Variants in NCOR2 observed in about 807,000 individuals in gnomAD.
The protein encoded by NCOR2 is CTG repeat protein 26.
Under a neutral mutation model 262.9 loss-of-function variants are expected in NCOR2, and 81 were observed. The ratio of observed to expected loss-of-function variants is 0.31; its 90% CI spans 0.26 to 0.37. The LOEUF is 0.37. NCOR2 is among the 10% of genes least tolerant of loss of function. The pLI is 1.00. For missense variants in NCOR2, 3,385 were observed against 3,621.4 expected (o/e 0.93, Z 1.68); for synonymous variants, 1,659 against 1,559.3 (o/e 1.06, Z -1.51).
rs1229636950 is a variant in NCOR2 at position 124,457,344 on chromosome 12, G to A, written c.706-182C>T. Among the ~76,000 whole-genome samples the A allele has an allele frequency of 1.3e-5, 2 of 151,658 alleles. No individual in the cohort carries two copies. Among genetic ancestry groups the A allele is most frequent in the East Asian group, 3.9e-4 (2 of 5,106 alleles). On this transcript the variant is annotated intron_variant, in intron 5 of 46. Coordinates refer to ENST00000405201, the Ensembl canonical transcript of NCOR2. The surrounding 1 kb of genome is among the most constrained non-coding windows in gnomAD (Gnocchi z 4.0). ...TCCCCACGCTGGAAAAAAACACAGA[G>A]GAGCCTCAATACCCCCACAGCGGCC...
At chr12:124,557,338 G>A (rs1294019399) in intron 1 of NCOR2, among the ~76,000 whole-genome samples, 1 of 152,262 alleles carries the variant, frequency 6.6e-6, no homozygotes, top group African/African-American at 2.4e-5. Context: ...GTTGGCAGGG[G>A]TGGTTCCTTC....
At chr12:124,486,469 G>T in exon 2 of NCOR2, 1 of 1,612,550 alleles carries the variant, frequency 6.2e-7, no homozygotes. Context: ...AACTCAGACA[G>T]CAGGGAGGGC....
intron 4 of NCOR2, among the ~76,000 whole-genome samples, chr12:124,468,318 ATCACCCTCATCATCCTCATCCTCC>A: frequency 4.7e-5 from 1 of 21,264 alleles, no homozygotes; most frequent in African/African-American, 1.4e-4. Flanking sequence ...CATCATCCTC[ATCACCCTCATCATCCTCATCCTCC>A]TCACCCCCAT....
intron 15 of NCOR2, 36 bp from the exon 18 acceptor site, chr12:124,398,217 G>A: frequency 6.2e-7 from 1 of 1,610,944 alleles, no homozygotes. Context: ...GCAGGAGCCG[G>A]GAGAGGAGGC....
Position 124,481,571 on chromosome 12 carries a change from G to A in NCOR2, c.411+2025C>T, listed in dbSNP as rs547116413. On this transcript the variant is annotated intron_variant, in intron 3 of 46. Coordinates refer to ENST00000405201, the Ensembl canonical transcript of NCOR2. The surrounding 1 kb of genome is among the most constrained non-coding windows in gnomAD (Gnocchi z 4.6). Reference sequence around the variant, plus strand: ...GGCGCTCCTGCGGAGGGCACAGCCGGTGCAAAGGTCCCCAGGTGGGAATGT... The same window carrying A: ...GGCGCTCCTGCGGAGGGCACAGCCGATGCAAAGGTCCCCAGGTGGGAATGT... 2.0e-5 allele frequency among the ~76,000 whole-genome samples: 3 copies of A among 152,306 alleles called. No individual in the cohort carries two copies. The highest frequency in any genetic ancestry group is 2.1e-4 in the South Asian group (1 of 4,828).
At chr12:124,354,805 A>G in intron 25 of NCOR2, 32 bp downstream of exon 27, 7 of 1,595,512 alleles carry the variant, frequency 4.4e-6, no homozygotes, top group Non-Finnish European at 5.1e-6. Flanking sequence ...GCCCAGCCTG[A>G]GCCACCCAGA....
upstream of NCOR2, chr12:124,538,409 G>C (rs1423890967): frequency 6.5e-6 from 1 of 152,736 alleles, no homozygotes; most frequent in African/African-American, 2.4e-5. Flanking sequence ...GCCAAGGGGG[G>C]TAGCGAGGAC....
intron 13 of NCOR2, among the ~76,000 whole-genome samples, chr12:124,406,981 C>T (rs530796631): frequency 5.3e-5 from 8 of 152,298 alleles, no homozygotes; most frequent in African/African-American, 1.9e-4. Flanking sequence ...TGGTATCATC[C>T]CAGTTTTATG....
intron 2 of NCOR2, among the ~76,000 whole-genome samples, chr12:124,485,642 C>T (rs2047732195): frequency 6.6e-6 from 1 of 152,216 alleles, no homozygotes; most frequent in African/African-American, 2.4e-5. Context: ...GACGCCTGCG[C>T]CCACCTGAGT....
chr12:124,509,244 G>T (rs1428869191), intron 1 of NCOR2, among the ~76,000 whole-genome samples: 1 of 151,046 alleles, frequency 6.6e-6, no homozygotes, highest in Non-Finnish European at 1.5e-5. Context: ...GTGGGGGGGG[G>T]GGGGGCTTAA....
intron 13 of NCOR2, among the ~76,000 whole-genome samples, chr12:124,404,550 G>C (rs116665910): frequency 4.1e-4 from 63 of 152,328 alleles, no homozygotes; most frequent in Middle Eastern, 6.8e-3. Flanking sequence ...TCAGGCTAAT[G>C]TCTGCTCCGG....
Position 124,327,519 on chromosome 12 carries a change from G to A in NCOR2, c.7073C>T (p.Pro2358Leu), listed in dbSNP as rs375005017. The A allele has an allele frequency of 3.5e-5, 57 of 1,613,850 alleles. No individual in the cohort carries two copies. The African/African-American group carries it at 4.1e-4, about 12-fold the overall frequency. Residue 2358 changes from proline to leucine, a missense_variant, in exon 45 of 47, where the codon CCG (proline) becomes CTG (leucine). Physicochemically the swap from Pro to Leu is moderately conservative, Grantham distance 98 (BLOSUM62 -3). Coordinates refer to ENST00000405201, the Ensembl canonical transcript of NCOR2. ...GTTAAAAGCATTGGCGCTGAGCGGC[G>A]GGGACTCTTCCCACTGGTCATATTT... is the stretch of plus-strand genomic sequence containing the variant.
intron 34 of NCOR2, 99 bp downstream of exon 36, chr12:124,341,724 G>A: frequency 6.6e-7 from 1 of 1,504,536 alleles, no homozygotes; most frequent in Non-Finnish European, 8.9e-7. Flanking sequence ...GACCCACAAG[G>A]TGACCAGGTC....
Position 124,332,345 on chromosome 12 carries a change from G to A in NCOR2, c.6878C>T (p.Thr2293Ile). The change falls in exon 43 of 47, where the codon ACC (threonine) becomes ATC (isoleucine). Residue 2293 changes from threonine to isoleucine, a missense_variant. Physicochemically the swap from Thr to Ile is moderately conservative, Grantham distance 89 (BLOSUM62 -1). Coordinates refer to ENST00000405201, the Ensembl canonical transcript of NCOR2. ...GTATTCAGGCTCATTCCGGTTGTGG[G>A]TGTTCAGCTTCTTGTTGATCTCTTG... 17 of 1,614,194 alleles carry A rather than the reference G, an allele frequency of 1.1e-5. No homozygotes were observed. The highest frequency in any genetic ancestry group is 1.4e-5 in the Non-Finnish European group (16 of 1,180,026).
chr12:124,481,235 C>T lies in NCOR2; in HGVS notation c.411+2361G>A, dbSNP rs985817168. On this transcript the variant is annotated intron_variant, in intron 3 of 46. Transcript: ENST00000405201. This position sits in a 1 kb window ranked among gnomAD's most constrained non-coding sequence, Gnocchi z 4.6. ...GGAAGGATGTGCTGGAAGGGTTGGGCGTCGGGGCAGGGATGCTGGCTGGGG... is the reference window on the plus strand; with the variant it reads ...GGAAGGATGTGCTGGAAGGGTTGGGTGTCGGGGCAGGGATGCTGGCTGGGG... 4.6e-5 allele frequency among the ~76,000 whole-genome samples: 7 copies of T among 151,738 alleles called. No homozygotes were observed. The highest frequency in any genetic ancestry group is 7.3e-5 in the African/African-American group (3 of 41,276).
At chr12:124,429,170 G>C (rs2043770391) in intron 10 of NCOR2, among the ~76,000 whole-genome samples, 1 of 152,346 alleles carries the variant, frequency 6.6e-6, no homozygotes, top group East Asian at 1.9e-4. Context: ...TCTTCGGCCT[G>C]CGCCATGCTC....
At chr12:124,393,283 C>T (rs912746704) in intron 16 of NCOR2, among the ~76,000 whole-genome samples, 5 of 152,200 alleles carry the variant, frequency 3.3e-5, no homozygotes, top group African/African-American at 1.2e-4. Flanking sequence ...GCCAGCTCCC[C>T]GGAGCTGCCC....
intron 34 of NCOR2, among the ~76,000 whole-genome samples, chr12:124,341,328 C>T (rs1193532420): frequency 1.3e-5 from 2 of 152,134 alleles, no homozygotes; most frequent in Non-Finnish European, 2.9e-5. Context: ...TAACCTCCAC[C>T]TCCTGGGTTC....
rs771995389 is a variant in NCOR2, at chr12:124,355,470, G to A, written c.3343C>T (p.Pro1115Ser). The A allele has an allele frequency of 1.9e-6, 3 of 1,613,086 alleles. No homozygotes were observed. In the African/African-American group the frequency reaches 4.0e-5, roughly 22 times the overall value. The change falls in exon 24 of 47, where the codon CCC becomes TCC. Residue 1115 changes from proline to serine, a missense_variant. Transcript: ENST00000405201. ...CCTATTTGCCTCTCGAGGACGCTGG[G>A]GTGCTTGGCAGAGGAGATGAGGGGA...
Sources: allele counts gnomAD v4.1 joint callset (sites outside exome capture counted in the v4.1 genomes callset), GRCh38; gene constraint gnomAD v4.1.1; non-coding constraint Gnocchi (gnomAD v3.1); transcripts MANE v1.5; gene names NCBI Gene and HGNC (gene_info 2026-07-23, HGNC 2026-07-21).